The following ITGA1 variants were observed in gnomAD, a reference collection of about 807,000 sequenced individuals.
ITGA1 encodes the protein integrin subunit alpha 1.
A neutral mutation model predicts 145.9 loss-of-function variants in ITGA1; 85 were observed. That is an observed-to-expected ratio of 0.58 (90% CI 0.49 to 0.70). The LOEUF is 0.70. Among genes scored for constraint, ITGA1 ranks in the 30% least tolerant of loss-of-function variants. The probability of loss-of-function intolerance (pLI) is 0.00; values close to 1 mark genes in which losing one functional copy is unlikely to be tolerated. For synonymous variants in ITGA1, 520 were observed against 495.3 expected (o/e 1.05, Z -0.66); for missense variants, 1,351 against 1,418.7 (o/e 0.95, Z 0.77).
At chr5:52,934,424 G>A (rs975672700) in intron 23 of ITGA1, among the ~76,000 whole-genome samples, 23 of 151,786 alleles carry the variant, frequency 1.5e-4, no homozygotes, top group African/African-American at 4.8e-4. Flanking sequence ...TCAGAAATTT[G>A]TTATCACAAT....
chr5:52,935,835 T>C (rs1437354976), intron 23 of ITGA1, among the ~76,000 whole-genome samples: 1 of 152,192 alleles, frequency 6.6e-6, no homozygotes, highest in Non-Finnish European at 1.5e-5. Context: ...ACAGGTAACC[T>C]ACACTAAAAT....
chr5:52,924,502 G>C (rs1750774057), intron 18 of ITGA1, among the ~76,000 whole-genome samples: 1 of 152,232 alleles, frequency 6.6e-6, no homozygotes, highest in Non-Finnish European at 1.5e-5. Context: ...TGAGGCCGGA[G>C]GTAAAGGCAG....
intron 1 of ITGA1, among the ~76,000 whole-genome samples, chr5:52,822,459 A>C (rs1405573674): frequency 2.0e-5 from 3 of 152,200 alleles, no homozygotes; most frequent in Admixed American, 6.5e-5. Flanking sequence ...TGGACTGGGC[A>C]GAGCTAGACA....
intron 1 of ITGA1, chr5:52,801,408 G>C (rs369963149): frequency 6.2e-7 from 1 of 1,606,662 alleles, no homozygotes; most frequent in Non-Finnish European, 8.5e-7. Context: ...TGTGATTCTA[G>C]GTACATGCCT....
intron 1 of ITGA1, among the ~76,000 whole-genome samples, chr5:52,841,952 G>A (rs1396449283): frequency 1.3e-5 from 2 of 152,096 alleles, no homozygotes; most frequent in African/African-American, 2.4e-5. Flanking sequence ...GAAGAGAGGG[G>A]CCTCTCCAGC....
intron 6 of ITGA1, among the ~76,000 whole-genome samples, chr5:52,881,188 A>C (rs1186904795): frequency 6.6e-6 from 1 of 152,232 alleles, no homozygotes; most frequent in African/African-American, 2.4e-5. Context: ...TCACTGCTCA[A>C]GTGTGTAACC....
At chr5:52,911,024 GTATGTATACTGTATATACTATATATAC>G (rs200042241) in intron 14 of ITGA1, among the ~76,000 whole-genome samples, 105,961 of 132,328 alleles carry the variant, frequency 0.8, 42,734 homozygotes, top group African/African-American at 0.87. Context: ...ACTATATATA[GTATGTATACTGTATATACTATATATAC>G]TATACATAGT....
At chr5:52,864,679 C>A in intron 3 of ITGA1, 84 bp from the exon 4 acceptor site, 1 of 801,858 alleles carries the variant, frequency 1.2e-6, no homozygotes, top group Non-Finnish European at 2.1e-6. Context: ...ATGAGCAAAA[C>A]AAATAGAATG....
At chr5:52,893,008 T>TA (rs57300829) in intron 8 of ITGA1, among the ~76,000 whole-genome samples, 2,447 of 150,950 alleles carry the variant, frequency 0.016, 63 homozygotes, top group African/African-American at 0.053. Flanking sequence ...AACCTTACCT[T>TA]AAAAAAAAAC....
intron 1 of ITGA1, among the ~76,000 whole-genome samples, chr5:52,842,197 A>G (rs772087023): frequency 6.6e-6 from 1 of 152,190 alleles, no homozygotes; most frequent in Non-Finnish European, 1.5e-5. Context: ...ACAGATATGC[A>G]TCATGTTTTG....
At position 52,956,635 on chromosome 5, in the gene ITGA1, A is replaced by G. The variant is rs1257904955; in HGVS notation, c.*4184A>G. On this transcript the variant is annotated 3_prime_UTR_variant, in exon 29 of 29. Coordinates refer to ENST00000282588, the MANE Select transcript of ITGA1 (RefSeq NM_181501.2). ...CTGGAACATCTTTAAGACATTTACA[A>G]ACTGTTATGGGACACTATCAGCAAC... 6 of 152,356 alleles carry G rather than the reference A, an allele frequency of 3.9e-5. 1 individual carries two copies. In the South Asian group the frequency reaches 8.3e-4, roughly 21 times the overall value. The allele number at this position is 152,356 out of a possible 1,614,324, so 9.4% of individuals were successfully genotyped here. A position where few individuals can be genotyped will look rare whatever the true frequency, so the allele number is the denominator to read the frequency against.
rs892008092 is a variant in ITGA1, at chr5:52,824,014, C to G, written c.62-25351C>G. Among the ~76,000 whole-genome samples, 13 of 152,252 alleles carry G rather than the reference C, an allele frequency of 8.5e-5. No homozygotes were observed. In the South Asian group the frequency reaches 1.9e-3, roughly 22 times the overall value. On this transcript the variant is annotated intron_variant, in intron 1 of 28. Coordinates refer to ENST00000282588, the MANE Select transcript of ITGA1 (RefSeq NM_181501.2). ...TCTAGCTTGAAGAAAATGGGCCTTA[C>G]TTTAAGAGTGCTATATTTGTTTTAT...
At chr5:52,899,438 A>G (rs1369559252) in intron 11 of ITGA1, among the ~76,000 whole-genome samples, 1 of 152,210 alleles carries the variant, frequency 6.6e-6, no homozygotes, top group East Asian at 1.9e-4. Context: ...AGTCAACAGC[A>G]GCTGCACTGT....
chr5:52,788,132 T>G lies in ITGA1; in HGVS notation c.-222T>G. ...CAAGAGCGCGAAGGGGCGGGCGATG[T>G]GGCAATCCGTCTGGGATGTGAAAAG... is the stretch of plus-strand genomic sequence containing the variant. On this transcript the variant is annotated 5_prime_UTR_variant, in exon 1 of 29. Transcript: ENST00000282588. The G allele has an allele frequency of 2.3e-6, 1 of 434,304 alleles. No individual in the cohort carries two copies. Among genetic ancestry groups the G allele is most frequent in the East Asian group, 3.6e-5 (1 of 27,456 alleles). 26.9% of individuals were successfully genotyped at this position (434,304 alleles called of 1,614,324 possible).
At position 52,861,571 on chromosome 5, in the gene ITGA1, TAA is replaced by T. The variant is rs754208991; in HGVS notation, c.295+18_295+19del. 1.3e-4 allele frequency: 210 copies of T among 1,564,974 alleles called. 1 individual carries two copies. The African/African-American group carries it at 2.4e-3, about 18-fold the overall frequency. ...GTTGGATCTACCAGGTATGTAAAATTAAAAAAATCTGGTTTTAGGCCAGGTGC... is the reference window on the plus strand; with the variant it reads ...GTTGGATCTACCAGGTATGTAAAATTAAAAATCTGGTTTTAGGCCAGGTGC... On this transcript the variant is annotated intron_variant, in intron 3 of 28. Coordinates refer to ENST00000282588, the MANE Select transcript of ITGA1 (RefSeq NM_181501.2).
At chr5:52,837,412 A>G (rs536250914) in intron 1 of ITGA1, among the ~76,000 whole-genome samples, 4 of 152,276 alleles carry the variant, frequency 2.6e-5, no homozygotes, top group Admixed American at 2.0e-4. Flanking sequence ...CCGGTGAGGC[A>G]CTCACCCCAT....
chr5:52,887,855 G>C lies in ITGA1; in HGVS notation c.814G>C (p.Val272Leu). 4 of 1,613,962 alleles carry C rather than the reference G, an allele frequency of 2.5e-6. No individual in the cohort carries two copies. The highest frequency in any genetic ancestry group is 3.4e-6 in the Non-Finnish European group (4 of 1,179,854). ...FTEARGARRG[V>L]KKVMVIVTDG... ...GGAAGCCCGGGGTGCCCGAAGAGGA[G>C]TTAAAAAAGTCATGGTTATTGTGAC... The change falls in exon 8 of 29, where the codon GTT becomes CTT. Residue 272 changes from valine (V) to leucine (L), a missense_variant. Physicochemically the swap from Val to Leu is conservative, Grantham distance 32. Transcript: ENST00000282588.
chr5:52,909,932 A>T (rs1561245169), intron 13 of ITGA1, among the ~76,000 whole-genome samples: 1 of 152,016 alleles, frequency 6.6e-6, no homozygotes, highest in African/African-American at 2.4e-5. Flanking sequence ...TTGTATACTC[A>T]ATTGCATTAA....
Position 52,911,748 on chromosome 5 carries a change from A to G in ITGA1, c.1857+1329A>G, listed in dbSNP as rs185665527. Among the ~76,000 whole-genome samples, 533 of 127,324 alleles carry G rather than the reference A, an allele frequency of 4.2e-3. 4 individuals are homozygous for G. Among genetic ancestry groups the G allele is most frequent in the African/African-American group, 0.015 (443 of 28,818 alleles). 83.5% of individuals were successfully genotyped at this position (127,324 alleles called of 152,430 possible). ...ATATAGTGTATCTACTATATATACT[A>G]TACATATAGTGTATCTACTATATAT... On this transcript the variant is annotated intron_variant, in intron 14 of 28. Coordinates refer to ENST00000282588, the MANE Select transcript of ITGA1 (RefSeq NM_181501.2).
Sources: gnomAD v4.1 joint callset for allele counts (sites outside exome capture counted in the v4.1 genomes callset) on GRCh38, gnomAD v4.1.1 for gene constraint, MANE v1.5 for transcripts, NCBI Gene and HGNC (gene_info 2026-07-23, HGNC 2026-07-21) for gene names.